Variants in FYN observed in about 807,000 individuals in gnomAD.
The protein encoded by FYN is tyrosine-protein kinase Fyn.
A neutral mutation model predicts 70.2 loss-of-function variants in FYN; 10 were observed. The observed-to-expected ratio is 0.14, with a 90% confidence interval of 0.09 to 0.24. The LOEUF (loss-of-function observed/expected upper bound fraction) is 0.24. Among genes scored for constraint, FYN ranks in the 10% least tolerant of loss-of-function variants. The pLI is 1.00. For synonymous variants in FYN, 236 were observed against 248.6 expected (o/e 0.95, Z 0.48); for missense variants, 319 against 673.1 (o/e 0.47, Z 5.82).
intron 2 of FYN, among the ~76,000 whole-genome samples, chr6:111,828,336 T>C (rs1772903994): frequency 6.6e-6 from 1 of 152,198 alleles, no homozygotes; most frequent in Non-Finnish European, 1.5e-5. Context: ...TATAAAAATA[T>C]GTTAAACAAC....
intron 1 of FYN, among the ~76,000 whole-genome samples, chr6:111,854,505 G>C (rs1021616608): frequency 6.6e-6 from 1 of 152,144 alleles, no homozygotes; most frequent in Non-Finnish European, 1.5e-5. Flanking sequence ...TGAGATGCAC[G>C]GAACAGCAGT....
chr6:111,771,987 G>C (rs1370624440), intron 3 of FYN, among the ~76,000 whole-genome samples: 1 of 152,118 alleles, frequency 6.6e-6, no homozygotes, highest in African/African-American at 2.4e-5. Context: ...TGGAATTGTT[G>C]AAAAATCCTA....
At chr6:111,804,678 C>G (rs1336186895) in intron 2 of FYN, among the ~76,000 whole-genome samples, 1 of 152,164 alleles carries the variant, frequency 6.6e-6, no homozygotes, top group Non-Finnish European at 1.5e-5. Flanking sequence ...GATACTTAGG[C>G]AGTACTTACA....
In FYN at chr6:111,759,105, T is replaced by C. The variant is rs527750087; in HGVS notation, c.-12+21461A>G. The C allele has an allele frequency of 2.0e-5, 3 of 152,592 alleles. No individual in the cohort carries two copies. The East Asian group carries it at 5.8e-4, about 29-fold the overall frequency. 9.5% of individuals were successfully genotyped at this position (152,592 alleles called of 1,614,324 possible). On this transcript the variant is annotated intron_variant, in intron 3 of 13. Transcript: ENST00000354650. ...CTGGTCTCCCCCTCTCTCAGCTCCT[T>C]GGCTTATACCCAACACTTGATCATT...
At chr6:111,728,255 A>G (rs992380937) in intron 3 of FYN, among the ~76,000 whole-genome samples, 2 of 152,204 alleles carry the variant, frequency 1.3e-5, no homozygotes, top group Non-Finnish European at 2.9e-5. Context: ...CACAGGTTGT[A>G]AAGTTTTTTC....
At chr6:111,787,564 C>T (rs1327240951) in intron 2 of FYN, among the ~76,000 whole-genome samples, 4 of 152,194 alleles carry the variant, frequency 2.6e-5, no homozygotes, top group Admixed American at 2.6e-4. Context: ...GGCAACTGAC[C>T]AGTTCAAAAA....
At chr6:111,691,739 T>C (rs1035658726) in intron 12 of FYN, among the ~76,000 whole-genome samples, 2 of 152,222 alleles carry the variant, frequency 1.3e-5, no homozygotes, top group Admixed American at 6.5e-5. Flanking sequence ...AACAGTCCCA[T>C]AAAATAAAGG....
intron 3 of FYN, among the ~76,000 whole-genome samples, chr6:111,729,677 A>G (rs1801357473): frequency 6.6e-6 from 1 of 152,250 alleles, no homozygotes; most frequent in South Asian, 2.1e-4. Context: ...CAAGTTAAGC[A>G]GAAATTAAAA....
chr6:111,719,268 C>A, intron 4 of FYN, among the ~76,000 whole-genome samples: 1 of 140,320 alleles, frequency 7.1e-6, no homozygotes, highest in Non-Finnish European at 1.5e-5. Flanking sequence ...ATACACATGG[C>A]AGCAGAATAT....
At chr6:111,722,757 A>G (rs1583362845) in intron 3 of FYN, among the ~76,000 whole-genome samples, 1 of 152,226 alleles carries the variant, frequency 6.6e-6, no homozygotes, top group East Asian at 1.9e-4. Flanking sequence ...GAATGCTGCT[A>G]AAACTTCCTG....
chr6:111,851,985 T>C (rs576628639), intron 1 of FYN, among the ~76,000 whole-genome samples: 4 of 152,206 alleles, frequency 2.6e-5, no homozygotes, highest in Non-Finnish European at 4.4e-5. Flanking sequence ...AAACGCACCA[T>C]GTGGCCCAAC....
At chr6:111,777,303 C>T (rs574598666) in intron 3 of FYN, among the ~76,000 whole-genome samples, 2 of 151,738 alleles carry the variant, frequency 1.3e-5, no homozygotes, top group Admixed American at 6.6e-5. Context: ...ATTTTCTGAA[C>T]GAATTTAAGT....
intron 1 of FYN, among the ~76,000 whole-genome samples, chr6:111,867,899 C>T (rs1240560605): frequency 1.5e-4 from 23 of 152,194 alleles, no homozygotes; most frequent in Admixed American, 1.5e-3. Flanking sequence ...GTACAAGAAT[C>T]TTTCTCAGTT....
chr6:111,727,514 G>A (rs757027931), intron 3 of FYN, among the ~76,000 whole-genome samples: 2 of 152,054 alleles, frequency 1.3e-5, no homozygotes, highest in African/African-American at 2.4e-5. Context: ...AGAGCCCCTC[G>A]CCAAATGCAA....
intron 2 of FYN, among the ~76,000 whole-genome samples, chr6:111,782,001 G>A (rs1039013075): frequency 7.2e-5 from 11 of 152,070 alleles, no homozygotes; most frequent in Admixed American, 5.2e-4. Context: ...GGAAATGTAC[G>A]ATTTCAGATA....
At chr6:111,854,558 T>C (rs1773772956) in intron 1 of FYN, among the ~76,000 whole-genome samples, 1 of 152,232 alleles carries the variant, frequency 6.6e-6, no homozygotes, top group Non-Finnish European at 1.5e-5. Flanking sequence ...AGGTTAGGCA[T>C]ACATGAAATA....
chr6:111,841,462 C>A (rs1298514673), intron 2 of FYN, among the ~76,000 whole-genome samples: 1 of 152,180 alleles, frequency 6.6e-6, no homozygotes, highest in Non-Finnish European at 1.5e-5. Context: ...TGCTTCAAGT[C>A]TGAGATATAG....
intron 3 of FYN, among the ~76,000 whole-genome samples, chr6:111,769,343 G>T (rs991869754): frequency 6.6e-6 from 1 of 152,084 alleles, no homozygotes; most frequent in South Asian, 2.1e-4. Context: ...TACAGCTAAG[G>T]GTTTGTATTT....
intron 3 of FYN, among the ~76,000 whole-genome samples, chr6:111,733,356 T>A (rs569638911): frequency 6.6e-6 from 1 of 152,194 alleles, no homozygotes; most frequent in Non-Finnish European, 1.5e-5. Context: ...GACCTGGACA[T>A]GAATCTAGAT....
Sources: gnomAD v4.1 joint callset for allele counts (sites outside exome capture counted in the v4.1 genomes callset) on GRCh38, gnomAD v4.1.1 for gene constraint, MANE v1.5 for transcripts, NCBI Gene and HGNC (gene_info 2026-07-23, HGNC 2026-07-21) for gene names.